Variants in KRT28 observed in about 807,000 individuals in gnomAD.
KRT28 encodes the protein keratin 28.
KRT28 carries 45 observed loss-of-function variants against 48.1 expected under a neutral mutation model. That is an observed-to-expected ratio of 0.94 (90% CI 0.74 to 1.20). The LOEUF (loss-of-function observed/expected upper bound fraction) is 1.20, where lower values mean the gene tolerates loss of function less well. Ranked by LOEUF, KRT28 falls within the 50% of genes most tolerant of loss-of-function variation. KRT28 has a pLI of 0.00. For missense variants in KRT28, 571 were observed against 574.1 expected, an observed-to-expected ratio of 0.99 and a Z score of 0.06; for synonymous variants, 228 against 227.4, an observed-to-expected ratio of 1.00 and a Z score of -0.03.
rs751530684 is a variant in KRT28, at chr17:40,798,335, CG to C, written c.589del (p.Arg197GlyfsTer7). 1.2e-6 allele frequency: 2 copies of C among 1,613,162 alleles called. No individual in the cohort carries two copies. Among genetic ancestry groups the C allele is most frequent in the East Asian group, 4.5e-5 (2 of 44,880 alleles). On this transcript the variant is annotated frameshift_variant, in exon 3 of 8. Transcript: ENST00000306658. LOFTEE classifies it high-confidence loss of function. ...QNVEADINGL[R>X]RVLDELTLCR... ...GAGCGTCAGCTCGTCCAGGACTCGCCGTAATCCGTTGATGTCGGCCTCTACG... is the reference window on the plus strand; with the variant it reads ...GAGCGTCAGCTCGTCCAGGACTCGCCTAATCCGTTGATGTCGGCCTCTACG...
Position 40,792,445 on chromosome 17 carries a change from T to C in KRT28, c.1377A>G (p.Glu459=), listed in dbSNP as rs781221399. 3.7e-6 allele frequency: 6 copies of C among 1,612,350 alleles called. No individual in the cohort carries two copies. Among genetic ancestry groups the C allele is most frequent in the Non-Finnish European group, 5.1e-6 (6 of 1,179,364 alleles). The change falls in exon 8 of 8, where the codon GAA becomes GAG. Residue 459 remains glutamate, a synonymous_variant. Coordinates refer to ENST00000306658, the MANE Select transcript of KRT28 (RefSeq NM_181535.3). ...KTSKMTNGKT[E]QRVPF is the part of the protein sequence containing the mutation. ...ATGACAGCTAGAAAGGAACCCTTTG[T>C]TCTGTCTTGCCGTTGGTCATTTTAG...
chr17:40,794,137 TG>T (rs1392484032), intron 5 of KRT28, 91 bp from the exon 6 acceptor site: 2 of 1,439,766 alleles, frequency 1.4e-6, no homozygotes, highest in African/African-American at 2.8e-5. Context: ...GATTGCTCCC[TG>T]GGCAATTGTG....
intron 5 of KRT28, among the ~76,000 whole-genome samples, chr17:40,795,839 G>C (rs1597807802): frequency 1.3e-5 from 2 of 152,282 alleles, no homozygotes; most frequent in South Asian, 4.1e-4. Flanking sequence ...CCTGCAGCAG[G>C]AACAGAGTCC....
At position 40,793,262 on chromosome 17, in the gene KRT28, A is replaced by G. The variant is rs759915204; in HGVS notation, c.1197-52T>C. 1.5e-5 allele frequency: 18 copies of G among 1,163,146 alleles called. No individual in the cohort carries two copies. In the South Asian group the frequency reaches 2.5e-4, roughly 16 times the overall value. The allele number at this position is 1,163,146 out of a possible 1,614,324, so 72.1% of individuals were successfully genotyped here. A position where few individuals can be genotyped will look rare whatever the true frequency, so the allele number is the denominator to read the frequency against. ...TTATATTTCTGCTTACTATCGCTTC[A>G]GAAATATTCATTGACTCAATGAATG... is the stretch of plus-strand genomic sequence containing the variant. On this transcript the variant is annotated intron_variant, in intron 6 of 7. Transcript: ENST00000306658.
At chr17:40,793,076 G>A in intron 7 of KRT28, 79 bp downstream of exon 7, 2 of 905,796 alleles carry the variant, frequency 2.2e-6, no homozygotes, top group Middle Eastern at 3.2e-4. Flanking sequence ...TTCCAGCCTG[G>A]GCAACAGAGC....
Position 40,798,391 on chromosome 17 carries a change from C to T in KRT28, c.534G>A (p.Lys178=). The change falls in exon 3 of 8, where the codon AAG becomes AAA. Residue 178 remains lysine (K), a splice_region_variant and synonymous_variant. Transcript: ENST00000306658. ...ARLAADDFRL[K]YENELTLHQN... ...GGTGAAGGGTGAGCTCATTTTCATACCTTGGGGGGCATTTAAGTGAATTTC... is the reference window on the plus strand; with the variant it reads ...GGTGAAGGGTGAGCTCATTTTCATATCTTGGGGGGCATTTAAGTGAATTTC... 6.3e-7 allele frequency: 1 copy of T among 1,597,010 alleles called. No homozygotes were observed. The highest frequency in any genetic ancestry group is 1.1e-5 in the South Asian group (1 of 90,700).
chr17:40,797,368 A>C, intron 3 of KRT28, 87 bp from the exon 4 acceptor site: 2 of 1,353,218 alleles, frequency 1.5e-6, no homozygotes, highest in Non-Finnish European at 2.0e-6. Flanking sequence ...TTTATGTCTC[A>C]AAGTTTGCGG....
chr17:40,798,580 C>T (rs572605918), intron 2 of KRT28, among the ~76,000 whole-genome samples, 189 bp from the exon 3 acceptor site: 1 of 152,314 alleles, frequency 6.6e-6, no homozygotes, highest in East Asian at 1.9e-4. Flanking sequence ...GAAGTTATTT[C>T]ATCACACAAA....
At position 40,792,490 on chromosome 17, in the gene KRT28, G is replaced by A. The variant is rs1356305096; in HGVS notation, c.1332C>T (p.His444=). 4 of 1,612,836 alleles carry A rather than the reference G, an allele frequency of 2.5e-6. No individual in the cohort carries two copies. Among genetic ancestry groups the A allele is most frequent in the Non-Finnish European group, 3.4e-6 (4 of 1,179,080 alleles). The change falls in exon 8 of 8, where the codon CAC becomes CAT. Residue 444 remains histidine (H), a synonymous_variant. Coordinates refer to ENST00000306658, the MANE Select transcript of KRT28 (RefSeq NM_181535.3). ...QRGKVLSSRI[H]SIEEKTSKMT... ...TTTTAGATGTCTTTTCTTCAATGGAGTGAATCCTTGATGAAAGAACTTTAC... is the reference window on the plus strand; with the variant it reads ...TTTTAGATGTCTTTTCTTCAATGGAATGAATCCTTGATGAAAGAACTTTAC...
rs992752101 is a variant in KRT28 at position 40,793,826 on chromosome 17, T to C, written c.1196+3A>G. The C allele has an allele frequency of 6.2e-7, 1 of 1,613,850 alleles. No individual in the cohort carries two copies. Among genetic ancestry groups the C allele is most frequent in the Non-Finnish European group, 8.5e-7 (1 of 1,179,830 alleles). ...AACTGGATTTTCAAATGGCTTTACT[T>C]ACTTTCCATCTCCATCTATCAGGCG... On this transcript the variant is annotated splice_donor_region_variant and intron_variant, in intron 6 of 7. Transcript: ENST00000306658.
chr17:40,792,251 C>CA lies in KRT28; in HGVS notation c.*175dup. ...TCAGTGAATGGAAATGAATGCACAT[C>CA]AACTTTTTTATTTATTGGAAACAAA... On this transcript the variant is annotated 3_prime_UTR_variant, in exon 8 of 8. Coordinates refer to ENST00000306658, the MANE Select transcript of KRT28 (RefSeq NM_181535.3). 2.2e-6 allele frequency: 1 copy of CA among 459,100 alleles called. No individual in the cohort carries two copies. The highest frequency in any genetic ancestry group is 3.7e-6 in the Non-Finnish European group (1 of 269,348). 28.4% of individuals were successfully genotyped at this position (459,100 alleles called of 1,614,324 possible).
chr17:40,796,052 T>C (rs1904606293), intron 5 of KRT28, among the ~76,000 whole-genome samples: 1 of 152,198 alleles, frequency 6.6e-6, no homozygotes, highest in East Asian at 1.9e-4. Context: ...CACACACCTT[T>C]AGAGGGCGGC....
At chr17:40,798,425 TA>T in intron 2 of KRT28, 34 bp from the exon 3 acceptor site, 1 of 1,578,910 alleles carries the variant, frequency 6.3e-7, no homozygotes. Context: ...TCAGTGCCAG[TA>T]AGACTACCCC....
chr17:40,793,550 C>T (rs888842989), intron 6 of KRT28, among the ~76,000 whole-genome samples: 1 of 152,040 alleles, frequency 6.6e-6, no homozygotes, highest in Admixed American at 6.5e-5. Context: ...ATAAAGCCTG[C>T]TTGTGGGAGG....
chr17:40,798,868 A>T, intron 2 of KRT28, 49 bp downstream of exon 2: 1 of 1,199,776 alleles, frequency 8.3e-7, no homozygotes, highest in Non-Finnish European at 1.2e-6. Context: ...TTAACAAATT[A>T]AATAAATAGA....
intron 5 of KRT28, 102 bp downstream of exon 5, chr17:40,796,814 A>T: frequency 7.0e-7 from 1 of 1,424,378 alleles, no homozygotes; most frequent in Non-Finnish European, 9.4e-7. Flanking sequence ...AAGTATTTGC[A>T]GGCAAAGGTA....
At position 40,799,522 on chromosome 17, in the gene KRT28, T is replaced by G. The variant is rs1362527233; in HGVS notation, c.372A>C (p.Lys124Asn). The G allele has an allele frequency of 1.2e-6, 2 of 1,614,208 alleles. No homozygotes were observed. Among genetic ancestry groups the G allele is most frequent in the Non-Finnish European group, 1.7e-6 (2 of 1,180,042 alleles). Reference protein sequence around the residue: ...LERKIKGWYEKYGPGSCRGLD... With the variant: ...LERKIKGWYENYGPGSCRGLD... ...GTCCACGGCAAGATCCAGGTCCGTA[T>G]TTTTCATACCAACCCTTGATTTTTC... Residue 124 changes from lysine to asparagine, a missense_variant, in exon 1 of 8, where the codon AAA becomes AAC. Lys to Asn is a moderately conservative substitution (Grantham distance 94). Coordinates refer to ENST00000306658, the MANE Select transcript of KRT28 (RefSeq NM_181535.3).
Position 40,793,983 on chromosome 17 carries a change from T to A in KRT28, c.1042A>T (p.Ile348Phe). 6.2e-7 allele frequency: 1 copy of A among 1,613,898 alleles called. No individual in the cohort carries two copies. The highest frequency in any genetic ancestry group is 8.5e-7 in the Non-Finnish European group (1 of 1,179,832). Residue 348 changes from isoleucine to phenylalanine, a missense_variant, in exon 6 of 8, where the codon ATC (isoleucine) becomes TTC (phenylalanine). Coordinates refer to ENST00000306658, the MANE Select transcript of KRT28 (RefSeq NM_181535.3). ...TCCAGGGCCCCGATCTGAGCCTGGA[T>A]CTGCGCCAGCTGCGTACAGTAGTTG... Reference protein sequence around the residue: ...ESNYCTQLAQIQAQIGALEEQ... With the variant: ...ESNYCTQLAQFQAQIGALEEQ...
chr17:40,795,600 A>G (rs1175914192), intron 5 of KRT28, among the ~76,000 whole-genome samples: 2 of 152,232 alleles, frequency 1.3e-5, no homozygotes, highest in Non-Finnish European at 2.9e-5. Flanking sequence ...TAAGTTAGGT[A>G]CTATGCTCCC....
Sources: allele counts gnomAD v4.1 joint callset (sites outside exome capture counted in the v4.1 genomes callset), GRCh38; gene constraint gnomAD v4.1.1; transcripts MANE v1.5; gene names NCBI Gene and HGNC (gene_info 2026-07-23, HGNC 2026-07-21).